Variants in ZNF496 observed in about 807,000 individuals in gnomAD.
The protein encoded by ZNF496 is NSD1 (nuclear receptor binding SET-domain containing 1)-interacting zinc finger protein 1.
ZNF496 carries 11 observed loss-of-function variants against 58.9 expected under a neutral mutation model. That is an observed-to-expected ratio of 0.19 (90% confidence interval 0.12 to 0.31). The LOEUF (loss-of-function observed/expected upper bound fraction) is 0.31. Ranked by LOEUF, ZNF496 falls within the 10% of genes least tolerant of loss-of-function variation. The probability of loss-of-function intolerance (pLI) is 1.00; values close to 1 mark genes in which losing one functional copy is unlikely to be tolerated. For synonymous variants in ZNF496, 338 were observed against 318.2 expected, an observed-to-expected ratio of 1.06 and a Z score of -0.66; for missense variants, 660 against 783.0, an observed-to-expected ratio of 0.84 and a Z score of 1.88.
chr1:247,307,544 C>A (rs943760521), intron 9 of ZNF496: 2 of 985,286 alleles, frequency 2.0e-6, no homozygotes, highest in Non-Finnish European at 1.2e-6. Context: ...ACTCTTGGCA[C>A]GCAGAGGTGG....
chr1:247,311,370 A>AC (rs1193575146), intron 6 of ZNF496: 7 of 151,338 alleles, frequency 4.6e-5, no homozygotes, highest in African/African-American at 1.5e-4. Flanking sequence ...ACTGCACTCC[A>AC]CCCTGGGCAA....
At chr1:247,321,060 C>T (rs1048450254) in intron 6 of ZNF496, among the ~76,000 whole-genome samples, 4 of 152,030 alleles carry the variant, frequency 2.6e-5, no homozygotes, top group African/African-American at 9.7e-5. Context: ...CCTGTAATCC[C>T]AGCTACTCGG....
At chr1:247,301,909 CAG>C (rs1392989644) in intron 9 of ZNF496, among the ~76,000 whole-genome samples, 1 of 152,170 alleles carries the variant, frequency 6.6e-6, no homozygotes, top group Non-Finnish European at 1.5e-5. Context: ...CCAGACTGCC[CAG>C]AGTCCTGGGT....
Position 247,310,442 on chromosome 1 carries a change from T to C in ZNF496, c.666A>G (p.Pro222=), listed in dbSNP as rs1659563096. ...TLQLPPSRVS[P]FKDMILCFSE... is the part of the protein sequence containing the mutation. ...AGAAGCATAAAATCATGTCCTTGAA[T>C]GGAGAAACCCGACTCTGAAAGCACA... Residue 222 remains proline (P), a synonymous_variant, in exon 7 of 10, where the codon CCA becomes CCG. Transcript: ENST00000682384. 1.2e-6 allele frequency: 2 copies of C among 1,614,098 alleles called. No individual in the cohort carries two copies. The highest frequency in any genetic ancestry group is 1.7e-6 in the Non-Finnish European group (2 of 1,180,014).
chr1:247,304,989 G>A (rs577724513), intron 9 of ZNF496, among the ~76,000 whole-genome samples: 1 of 152,300 alleles, frequency 6.6e-6, no homozygotes, highest in African/African-American at 2.4e-5. Flanking sequence ...GGAAAGACAT[G>A]AATTTTGAAG....
Position 247,322,377 on chromosome 1 carries a change from T to C in ZNF496, c.651+777A>G, listed in dbSNP as rs114225539. On this transcript the variant is annotated intron_variant, in intron 6 of 9. Coordinates refer to ENST00000682384, the MANE Select transcript of ZNF496 (RefSeq NM_032752.3). ...TTCTGCTGAGACATGGTAATAAGAG[T>C]GTCTACTGTTTTTCACAGTTTTCTG... Among the ~76,000 whole-genome samples the C allele has an allele frequency of 8.7e-3, 1,324 of 152,070 alleles. 20 individuals are homozygous for C. Among genetic ancestry groups the C allele is most frequent in the African/African-American group, 0.03 (1,262 of 41,456 alleles).
chr1:247,323,473 C>T (rs1310281837), intron 5 of ZNF496, among the ~76,000 whole-genome samples: 2 of 152,120 alleles, frequency 1.3e-5, no homozygotes, highest in Admixed American at 6.6e-5. Flanking sequence ...AAGATTGCTG[C>T]GACTTTGTTT....
chr1:247,301,343 C>CT, intron 9 of ZNF496, 67 bp from the exon 10 acceptor site: 2 of 1,468,894 alleles, frequency 1.4e-6, no homozygotes. Context: ...ATGACCGCGG[C>CT]GGAGGAACAC....
rs758879840 is a variant in ZNF496, at chr1:247,300,986, TCTC to T, written c.1294_1296del (p.Glu432del). 2.0e-5 allele frequency: 33 copies of T among 1,613,722 alleles called. No individual in the cohort carries two copies. Among genetic ancestry groups the T allele is most frequent in the Middle Eastern group, 1.6e-4 (1 of 6,084 alleles). On this transcript the variant is annotated inframe_deletion, in exon 10 of 10. Transcript: ENST00000682384. This position sits in a 1 kb window ranked among gnomAD's most constrained non-coding sequence, Gnocchi z 5.7. ...CCGCACACCGAGCACTCGTGCGGCT[TCTC>T]CTGCTCCCTGCGGCTCCGCAGATGC...
Position 247,328,354 on chromosome 1 carries a change from C to T in ZNF496, c.574+329G>A, listed in dbSNP as rs992266485. 5.9e-5 allele frequency among the ~76,000 whole-genome samples: 9 copies of T among 152,292 alleles called. No individual in the cohort carries two copies. In the East Asian group the frequency reaches 7.7e-4, roughly 13 times the overall value. ...TCATGCAGCAGGCCCCAGCTGTACA[C>T]TGGCAGTCCCCAGCTGTCATCAAAC... On this transcript the variant is annotated intron_variant, in intron 5 of 9. Transcript: ENST00000682384.
rs562354647 is a variant in ZNF496, at chr1:247,301,218, G to A, written c.1065C>T (p.Ile355=). 2.7e-5 allele frequency: 41 copies of A among 1,543,598 alleles called. No homozygotes were observed. The East Asian group carries it at 7.9e-4, about 30-fold the overall frequency. The change falls in exon 10 of 10, where the codon ATC becomes ATT. Residue 355 remains isoleucine, a synonymous_variant. Transcript: ENST00000682384. The part of the protein sequence containing the change: ...NSLDEEVTIE[I]VLSSSGDEDS... ...CCTCGTCCCCAGAGCTGGAGAGAAC[G>A]ATCTCGATGGTCACTTCTTCATCCA...
chr1:247,317,898 C>G (rs1032146031), intron 6 of ZNF496, among the ~76,000 whole-genome samples: 2 of 152,224 alleles, frequency 1.3e-5, no homozygotes, highest in Admixed American at 6.5e-5. Context: ...TGCCAACCCT[C>G]AGGTGACAGA....
intron 9 of ZNF496, 137 bp from the exon 10 acceptor site, chr1:247,301,413 G>T: frequency 8.9e-7 from 1 of 1,127,092 alleles, no homozygotes; most frequent in Non-Finnish European, 1.2e-6. Context: ...GGGGCGGCCT[G>T]GCCAGCCCTG....
chr1:247,325,522 CTTAT>C (rs770147498), intron 5 of ZNF496, among the ~76,000 whole-genome samples: 4 of 152,140 alleles, frequency 2.6e-5, no homozygotes, highest in Non-Finnish European at 4.4e-5. Context: ...GAGAACATTT[CTTAT>C]TTACTTTCTT....
At chr1:247,321,977 T>C (rs1027566790) in intron 6 of ZNF496, among the ~76,000 whole-genome samples, 1 of 152,172 alleles carries the variant, frequency 6.6e-6, no homozygotes, top group African/African-American at 2.4e-5. Flanking sequence ...TAGCCCTCCC[T>C]TCTCCAAGTT....
chr1:247,304,727 G>A (rs1659355880), intron 9 of ZNF496, among the ~76,000 whole-genome samples: 4 of 152,150 alleles, frequency 2.6e-5, no homozygotes, highest in African/African-American at 7.2e-5. Context: ...TCTTCTCTTG[G>A]ATTTCTCTAT....
At chr1:247,303,472 G>A (rs1659311040) in intron 9 of ZNF496, among the ~76,000 whole-genome samples, 1 of 152,200 alleles carries the variant, frequency 6.6e-6, no homozygotes, top group Non-Finnish European at 1.5e-5. Flanking sequence ...GTCATGGGGA[G>A]AGGCCAGGAG....
rs190086268 is a variant in ZNF496, at chr1:247,322,148, T to G, written c.651+1006A>C. Among the ~76,000 whole-genome samples, 274 of 152,204 alleles carry G rather than the reference T, an allele frequency of 1.8e-3. 1 individual carries two copies. The highest frequency in any genetic ancestry group is 3.0e-3 in the Non-Finnish European group (206 of 68,012). ...AAATACAAAACTTAGCTGGGTGTAGTGGCATGCACCTGTAGTCCCAGCTGC... is the reference window on the plus strand; with the variant it reads ...AAATACAAAACTTAGCTGGGTGTAGGGGCATGCACCTGTAGTCCCAGCTGC... On this transcript the variant is annotated intron_variant, in intron 6 of 9. Transcript: ENST00000682384.
In ZNF496 at chr1:247,308,476, T is replaced by C; in HGVS notation, c.1005A>G (p.Pro335=). 6.2e-7 allele frequency: 1 copy of C among 1,613,902 alleles called. No homozygotes were observed. Among genetic ancestry groups the C allele is most frequent in the Non-Finnish European group, 8.5e-7 (1 of 1,179,846 alleles). Residue 335 remains proline (P), a splice_region_variant and synonymous_variant, in exon 9 of 10, where the codon CCA becomes CCG. Coordinates refer to ENST00000682384, the MANE Select transcript of ZNF496 (RefSeq NM_032752.3). This position sits in a 1 kb window ranked among gnomAD's most constrained non-coding sequence, Gnocchi z 4.5. ...PQTVVPQNTY[P]AGGNPRSLEN... is the part of the protein sequence containing the mutation. ...CATACCTCCCTGACCCTTCTTTACC[T>C]GGGTAGGTGTTTTGAGGCACCACCG...
Sources: allele counts gnomAD v4.1 joint callset (sites outside exome capture counted in the v4.1 genomes callset), GRCh38; gene constraint gnomAD v4.1.1; non-coding constraint Gnocchi (gnomAD v3.1); transcripts MANE v1.5; gene names NCBI Gene and HGNC (gene_info 2026-07-23, HGNC 2026-07-21).